ZNF737: variants seen among roughly 807,000 people sequenced by gnomAD.
ZNF737 encodes the protein zinc finger protein 102 (Y3).
Under a neutral mutation model 11.7 loss-of-function variants are expected in ZNF737, and 13 were observed. That is an observed-to-expected ratio of 1.11 (90% CI 0.73 to 1.77). The LOEUF (loss-of-function observed/expected upper bound fraction) is 1.77, where lower values mean the gene tolerates loss of function less well. Among genes scored for constraint, ZNF737 ranks in the 40% most tolerant of loss-of-function variants. ZNF737 has a pLI of 0.00. For missense variants in ZNF737, 636 were observed against 638.0 expected (o/e 1.00, Z 0.03); for synonymous variants, 217 against 216.2 (o/e 1.00, Z -0.03).
chr19:20,549,807 G>A (rs529501514), intron 3 of ZNF737, among the ~76,000 whole-genome samples: 1 of 151,726 alleles, frequency 6.6e-6, no homozygotes, highest in East Asian at 1.9e-4. Context: ...ACACACGCCT[G>A]TAATCCCAGC....
chr19:20,553,858 G>A (rs372062821), intron 1 of ZNF737, 23 bp from the exon 2 acceptor site: 87 of 1,600,934 alleles, frequency 5.4e-5, no homozygotes, highest in Admixed American at 2.7e-4. Context: ...CACAACATAC[G>A]TTTTTACCAA....
intron 1 of ZNF737, among the ~76,000 whole-genome samples, chr19:20,556,792 A>T (rs1396112110): frequency 1.3e-5 from 2 of 152,236 alleles, no homozygotes; most frequent in Admixed American, 1.3e-4. Flanking sequence ...AAAAAACAAC[A>T]TGTACACATG....
Position 20,538,085 on chromosome 19 carries a change from A to G in ZNF737, c.*6507T>C, listed in dbSNP as rs922887423. On this transcript the variant is annotated 3_prime_UTR_variant, in exon 4 of 4. Coordinates refer to ENST00000427401, the MANE Select transcript of ZNF737 (RefSeq NM_001159293.2). ...ACACAGCATTCTCAGTTCACAGTGT[A>G]AAAAGTGAAGTAGAGGTTCCTCTTC... is the stretch of plus-strand genomic sequence containing the variant. 3 of 979,548 alleles carry G rather than the reference A, an allele frequency of 3.1e-6. No homozygotes were observed. The highest frequency in any genetic ancestry group is 3.6e-6 in the Non-Finnish European group (3 of 824,580). The allele number at this position is 979,548 out of a possible 1,614,324, so 60.7% of individuals were successfully genotyped here.
chr19:20,544,636 T>G lies in ZNF737; in HGVS notation c.1567A>C (p.Thr523Pro), dbSNP rs1968352225. The G allele has an allele frequency of 1.2e-6, 2 of 1,608,238 alleles. No homozygotes were observed. Among genetic ancestry groups the G allele is most frequent in the Middle Eastern group, 1.7e-4 (1 of 6,050 alleles). Residue 523 changes from threonine (T) to proline (P), a missense_variant, in exon 4 of 4, where the codon ACC (threonine) becomes CCC (proline). Thr to Pro is a conservative substitution (Grantham distance 38). Coordinates refer to ENST00000427401, the MANE Select transcript of ZNF737 (RefSeq NM_001159293.2). ...ECGKGFKCPS[T>P]LTTHKVIHTG... is the part of the protein sequence containing the mutation. ...TGAATTACCTTATGTGTAGTAAGGG[T>G]AGAGGGGCACTTAAAGCCTTTGCCA...
Position 20,543,952 on chromosome 19 carries a change from G to A in ZNF737, c.*640C>T, listed in dbSNP as rs1968323657. 7.3e-6 allele frequency: 5 copies of A among 686,308 alleles called. No individual in the cohort carries two copies. The highest frequency in any genetic ancestry group is 7.2e-6 in the Non-Finnish European group (4 of 557,676). The allele number at this position is 686,308 out of a possible 1,614,324, so 42.5% of individuals were successfully genotyped here. A position where few individuals can be genotyped will look rare whatever the true frequency, so the allele number is the denominator to read the frequency against. On this transcript the variant is annotated 3_prime_UTR_variant, in exon 4 of 4. Coordinates refer to ENST00000427401, the MANE Select transcript of ZNF737 (RefSeq NM_001159293.2). ...AGACCAGCCTGGCAAACATGGCGAA[G>A]TCGCATCTCTACTAAAAATAAAAAA...
intron 3 of ZNF737, among the ~76,000 whole-genome samples, chr19:20,550,033 T>A (rs991352971): frequency 6.6e-6 from 1 of 151,982 alleles, no homozygotes; most frequent in Non-Finnish European, 1.5e-5. Flanking sequence ...TGTGTGGCAG[T>A]AAAATTTCAG....
At chr19:20,533,100 A>G (rs1247739466), downstream of ZNF737, among the ~76,000 whole-genome samples, 1 of 150,020 alleles carries the variant, frequency 6.7e-6, no homozygotes, top group Non-Finnish European at 1.5e-5. Context: ...CCTACATACA[A>G]CAATAAAAGA....
chr19:20,546,307 T>G (rs956166550), intron 3 of ZNF737, among the ~76,000 whole-genome samples: 5 of 152,166 alleles, frequency 3.3e-5, no homozygotes, highest in Non-Finnish European at 7.3e-5. Flanking sequence ...AAAAGTAAAT[T>G]TCCAGTCGGA....
Position 20,539,723 on chromosome 19 carries a change from A to G in ZNF737, c.*4869T>C. ...TAAGGTTTTTCAAATATGAAAACAG[A>G]CAATTAGGTATACTTTTTGAAGTAA... On this transcript the variant is annotated 3_prime_UTR_variant, in exon 4 of 4. Transcript: ENST00000427401. 1 of 981,776 alleles carries G rather than the reference A, an allele frequency of 1.0e-6. No homozygotes were observed. Among genetic ancestry groups the G allele is most frequent in the Non-Finnish European group, 1.2e-6 (1 of 826,618 alleles). 60.8% of individuals were successfully genotyped at this position (981,776 alleles called of 1,614,324 possible).
At chr19:20,531,988 C>G (rs529653673), downstream of ZNF737, among the ~76,000 whole-genome samples, 1 of 150,290 alleles carries the variant, frequency 6.7e-6, no homozygotes, top group South Asian at 2.2e-4. Context: ...TGCTAAATAA[C>G]ATGTCAGAAT....
At chr19:20,531,755 G>C (rs1309307583), downstream of ZNF737, among the ~76,000 whole-genome samples, 1 of 149,996 alleles carries the variant, frequency 6.7e-6, no homozygotes, top group African/African-American at 2.5e-5. Flanking sequence ...ACAGCACCCA[G>C]CTGGAAATTA....
At chr19:20,554,263 GA>G in intron 1 of ZNF737, among the ~76,000 whole-genome samples, 1 of 152,228 alleles carries the variant, frequency 6.6e-6, no homozygotes, top group East Asian at 1.9e-4. Context: ...AATAAAGTTT[GA>G]TTTTTTGAAT....
rs1968168677 is a variant in ZNF737 at position 20,540,758 on chromosome 19, T to TG, written c.*3833dup. 4.6e-6 allele frequency: 4 copies of TG among 873,346 alleles called. No individual in the cohort carries two copies. Among genetic ancestry groups the TG allele is most frequent in the Non-Finnish European group, 5.5e-6 (4 of 729,716 alleles). The allele number at this position is 873,346 out of a possible 1,614,324, so 54.1% of individuals were successfully genotyped here. On this transcript the variant is annotated 3_prime_UTR_variant, in exon 4 of 4. Transcript: ENST00000427401. ...TGGAAGACAGAGCAACACTCCATCA[T>TG]GGAAAAAAAAAAAGAGTCTTTCTGC...
At position 20,542,232 on chromosome 19, in the gene ZNF737, A is replaced by AC. The variant is rs782273892; in HGVS notation, c.*2359dup. On this transcript the variant is annotated 3_prime_UTR_variant, in exon 4 of 4. Coordinates refer to ENST00000427401, the MANE Select transcript of ZNF737 (RefSeq NM_001159293.2). ...ATTAAGTTCACAAATAATCTAACAAACTTTTTTTTTTTTGAGACAGAGTTT... is the reference window on the plus strand; with the variant it reads ...ATTAAGTTCACAAATAATCTAACAAACCTTTTTTTTTTTTGAGACAGAGTTT... 2.5e-5 allele frequency: 24 copies of AC among 960,660 alleles called. No homozygotes were observed. The highest frequency in any genetic ancestry group is 3.0e-5 in the Non-Finnish European group (24 of 811,688). 59.5% of individuals were successfully genotyped at this position (960,660 alleles called of 1,614,324 possible). A position where few individuals can be genotyped will look rare whatever the true frequency, so the allele number is the denominator to read the frequency against.
intron 3 of ZNF737, among the ~76,000 whole-genome samples, chr19:20,549,225 T>A (rs1005777919): frequency 2.6e-5 from 4 of 152,158 alleles, no homozygotes; most frequent in Non-Finnish European, 5.9e-5. Context: ...ATGCATAATT[T>A]ATCTCTTAAT....
Position 20,564,497 on chromosome 19 carries a change from A to G in ZNF737, c.3+1141T>C, listed in dbSNP as rs558988819. On this transcript the variant is annotated intron_variant, in intron 1 of 3. Transcript: ENST00000427401. ...CTGAAACTCCATCTCTACTAAAAATACAAAAATTAGCTGGGCGTGGTGTCG... is the reference window on the plus strand; with the variant it reads ...CTGAAACTCCATCTCTACTAAAAATGCAAAAATTAGCTGGGCGTGGTGTCG... Among the ~76,000 whole-genome samples, 4 of 152,194 alleles carry G rather than the reference A, an allele frequency of 2.6e-5. No individual in the cohort carries two copies. The South Asian group carries it at 8.3e-4, about 32-fold the overall frequency.
chr19:20,552,999 G>T (rs1481150104), intron 2 of ZNF737, among the ~76,000 whole-genome samples: 11 of 146,372 alleles, frequency 7.5e-5, no homozygotes, highest in African/African-American at 1.7e-4. Context: ...GTGACAGAGT[G>T]AGACTCTGTC....
rs1330928543 is a variant in ZNF737 at position 20,544,740 on chromosome 19, T to G, written c.1463A>C (p.Lys488Thr). 11 of 1,606,958 alleles carry G rather than the reference T, an allele frequency of 6.8e-6. No homozygotes were observed. Among genetic ancestry groups the G allele is most frequent in the Non-Finnish European group, 9.3e-6 (11 of 1,177,764 alleles). ...EKPYKCERCG[K>T]AFKRSFILTR... ...AAGGATAAAGGAGCGCTTAAAAGCC[T>G]TGCCACATCGTTCACATTTGTAGGG... Residue 488 changes from lysine (K) to threonine (T), a missense_variant, in exon 4 of 4, where the codon AAG (lysine) becomes ACG (threonine). Transcript: ENST00000427401.
At chr19:20,556,259 C>G (rs1331948689) in intron 1 of ZNF737, among the ~76,000 whole-genome samples, 1 of 152,142 alleles carries the variant, frequency 6.6e-6, no homozygotes, top group Non-Finnish European at 1.5e-5. Flanking sequence ...TCTGGCCTCA[C>G]CTTACAGTCA....
Sources: allele counts gnomAD v4.1 joint callset (sites outside exome capture counted in the v4.1 genomes callset), GRCh38; gene constraint gnomAD v4.1.1; transcripts MANE v1.5; gene names NCBI Gene and HGNC (gene_info 2026-07-23, HGNC 2026-07-21).